Variants in PTPRJ observed in about 807,000 individuals in gnomAD.
The protein encoded by PTPRJ is receptor-type tyrosine-protein phosphatase eta.
PTPRJ carries 129 observed loss-of-function variants against 141.3 expected under a neutral mutation model. The observed-to-expected ratio is 0.91, with a 90% CI of 0.79 to 1.06. The LOEUF (loss-of-function observed/expected upper bound fraction) is 1.06, where lower values mean the gene tolerates loss of function less well. Among genes scored for constraint, PTPRJ ranks in the 50% least tolerant of loss-of-function variants. The pLI, the probability that PTPRJ is intolerant of heterozygous loss-of-function variation, is 0.00. For synonymous variants in PTPRJ, 610 were observed against 640.5 expected (o/e 0.95, Z 0.72); for missense variants, 1,601 against 1,679.7 (o/e 0.95, Z 0.82).
At chr11:48,016,164 G>A (rs901590655) in intron 1 of PTPRJ, among the ~76,000 whole-genome samples, 6 of 152,164 alleles carry the variant, frequency 3.9e-5, no homozygotes, top group African/African-American at 1.4e-4. Flanking sequence ...TCTGGACTGT[G>A]GATTCCTTCT....
chr11:48,160,883 A>C (rs1857753953), intron 22 of PTPRJ, among the ~76,000 whole-genome samples: 1 of 152,114 alleles, frequency 6.6e-6, no homozygotes, highest in South Asian at 2.1e-4. Flanking sequence ...ATCATTATTC[A>C]GCTATTAGAA....
At chr11:48,097,991 C>A (rs1013400329) in intron 1 of PTPRJ, among the ~76,000 whole-genome samples, 1 of 152,152 alleles carries the variant, frequency 6.6e-6, no homozygotes, top group Non-Finnish European at 1.5e-5. Context: ...AGTTTCAGAT[C>A]CAGGTGTTCT....
chr11:48,135,913 G>A, intron 8 of PTPRJ, 126 bp from the exon 9 acceptor site: 4 of 1,084,802 alleles, frequency 3.7e-6, no homozygotes, highest in East Asian at 4.7e-5. Flanking sequence ...ATTTTGGAGT[G>A]TGCCTTTTGT....
At chr11:47,987,221 A>T (rs1854074717) in intron 1 of PTPRJ, among the ~76,000 whole-genome samples, 2 of 152,202 alleles carry the variant, frequency 1.3e-5, no homozygotes, top group South Asian at 4.1e-4. Flanking sequence ...AAAGAAAAAA[A>T]ATAAAAAATA....
chr11:48,127,867 C>T lies in PTPRJ; in HGVS notation c.1181C>T (p.Ser394Leu), dbSNP rs1856881947. The T allele has an allele frequency of 6.2e-7, 1 of 1,614,178 alleles. No homozygotes were observed. The highest frequency in any genetic ancestry group is 8.5e-7 in the Non-Finnish European group (1 of 1,180,008). ...TGGAAAGTCAGCGATAACGAGTCGT[C>T]ATCTAACTATACCTACAAGATACAT... ...LIWKVSDNES[S>L]SNYTYKIHVA... Residue 394 changes from serine to leucine, a missense_variant, in exon 7 of 25, where the codon TCA becomes TTA. Transcript: ENST00000418331.
chr11:48,090,171 C>A (rs73466857), intron 1 of PTPRJ, among the ~76,000 whole-genome samples: 2,698 of 152,284 alleles, frequency 0.018, 82 homozygotes, highest in African/African-American at 0.062. Context: ...CCCTCGAGGG[C>A]AGACACAGCA....
rs1856877724 is a variant in PTPRJ, at chr11:48,127,802, C to T, written c.1116C>T (p.Val372=). 1.2e-6 allele frequency: 2 copies of T among 1,614,032 alleles called. No homozygotes were observed. Residue 372 remains valine (V), a synonymous_variant, in exon 7 of 25, where the codon GTC becomes GTT. Transcript: ENST00000418331. ...FRTNAIQVFD[V]TAVNISATSL... ...CAGATGCTATTCAGGTTTTTGACGT[C>T]ACCGCTGTGAACATCAGTGCCACAA...
intron 1 of PTPRJ, among the ~76,000 whole-genome samples, chr11:47,998,743 T>C (rs999371707): frequency 2.0e-5 from 3 of 152,192 alleles, no homozygotes; most frequent in Non-Finnish European, 4.4e-5. Flanking sequence ...CTACCAGTGA[T>C]CATAAAGGAT....
chr11:48,156,346 T>A (rs1857600280), intron 21 of PTPRJ, among the ~76,000 whole-genome samples: 1 of 152,146 alleles, frequency 6.6e-6, no homozygotes, highest in Admixed American at 6.6e-5. Flanking sequence ...AATATCAGTG[T>A]CTTCTGTTTA....
At chr11:48,155,735 G>T (rs1291495405) in intron 19 of PTPRJ, 66 bp from the exon 20 acceptor site, 55 of 1,334,116 alleles carry the variant, frequency 4.1e-5, no homozygotes, top group Middle Eastern at 1.9e-4. Context: ...TTTTTTTTCT[G>T]TTTTGTGTCC....
intron 1 of PTPRJ, among the ~76,000 whole-genome samples, chr11:48,095,389 T>C (rs996029184): frequency 6.6e-6 from 1 of 152,188 alleles, no homozygotes; most frequent in Non-Finnish European, 1.5e-5. Flanking sequence ...TTGTACAATG[T>C]GGTAGTTATT....
At chr11:48,117,306 C>T (rs1013359606) in intron 3 of PTPRJ, among the ~76,000 whole-genome samples, 13 of 151,838 alleles carry the variant, frequency 8.6e-5, no homozygotes, top group Non-Finnish European at 1.8e-4. Flanking sequence ...TTTGGGAGGC[C>T]GAGATGGGCG....
intron 1 of PTPRJ, among the ~76,000 whole-genome samples, chr11:47,985,411 G>A (rs544464769): frequency 1.3e-5 from 2 of 152,100 alleles, no homozygotes; most frequent in South Asian, 2.1e-4. Context: ...TCCCCAAAGT[G>A]TTGGGATTAC....
intron 1 of PTPRJ, among the ~76,000 whole-genome samples, chr11:47,993,410 A>G (rs1389147683): frequency 6.6e-6 from 1 of 151,932 alleles, no homozygotes; most frequent in African/African-American, 2.4e-5. Flanking sequence ...CTCCTGCCTC[A>G]GCCTCCTGAG....
rs1857677462 is a variant in PTPRJ at position 48,158,906 on chromosome 11, C to G, written c.3439-1024C>G. ...GGTTGAGGCTGCAGTGAGCCGTGAT[C>G]GTGCCATTGTACCCCAGCTTGTATG... On this transcript the variant is annotated intron_variant, in intron 21 of 24. Transcript: ENST00000418331. This position sits in a 1 kb window ranked among gnomAD's most constrained non-coding sequence, Gnocchi z 4.4. Among the ~76,000 whole-genome samples the G allele has an allele frequency of 6.6e-6, 1 of 152,096 alleles. No individual in the cohort carries two copies.
Position 48,084,653 on chromosome 11 carries a change from G to T in PTPRJ, c.97-25405G>T, listed in dbSNP as rs151043809. On this transcript the variant is annotated intron_variant, in intron 1 of 24. Coordinates refer to ENST00000418331, the MANE Select transcript of PTPRJ (RefSeq NM_002843.4). ...AGCTCTGATTGGCTGAAGCAGACGAGCTCTGACTGCTTGGTTCATGTGAGC... is the reference window on the plus strand; with the variant it reads ...AGCTCTGATTGGCTGAAGCAGACGATCTCTGACTGCTTGGTTCATGTGAGC... 9.7e-4 allele frequency among the ~76,000 whole-genome samples: 148 copies of T among 152,278 alleles called. 1 individual carries two copies. In the East Asian group the frequency reaches 0.02, roughly 21 times the overall value.
chr11:47,984,080 T>C (rs1853983054), intron 1 of PTPRJ, among the ~76,000 whole-genome samples: 1 of 152,236 alleles, frequency 6.6e-6, no homozygotes, highest in African/African-American at 2.4e-5. Flanking sequence ...ATGTTTTGTT[T>C]GCAGACAGTT....
intron 1 of PTPRJ, among the ~76,000 whole-genome samples, chr11:47,987,414 G>C (rs547678413): frequency 1.3e-5 from 2 of 152,284 alleles, no homozygotes; most frequent in African/African-American, 4.8e-5. Context: ...AAATTGTAAA[G>C]ATGATCAGTT....
At chr11:48,098,069 T>A (rs952106668) in intron 1 of PTPRJ, among the ~76,000 whole-genome samples, 1 of 152,140 alleles carries the variant, frequency 6.6e-6, no homozygotes, top group African/African-American at 2.4e-5. Context: ...GTATAGACAA[T>A]CCCTAGGATC....
Sources: allele counts gnomAD v4.1 joint callset (sites outside exome capture counted in the v4.1 genomes callset), GRCh38; gene constraint gnomAD v4.1.1; non-coding constraint Gnocchi (gnomAD v3.1); transcripts MANE v1.5; gene names NCBI Gene and HGNC (gene_info 2026-07-23, HGNC 2026-07-21).